Variants in SUFU observed in about 807,000 individuals in gnomAD.
The protein encoded by SUFU is SUFU negative regulator of hedgehog signaling, also known as suppressor of fused homolog.
SUFU carries 7 observed loss-of-function variants against 58.9 expected under a neutral mutation model. The ratio of observed to expected loss-of-function variants is 0.12; its 90% CI spans 0.07 to 0.22. The LOEUF is 0.22. Ranked by LOEUF, SUFU falls within the 10% of genes least tolerant of loss-of-function variation. The pLI is 1.00. For missense variants in SUFU, 451 were observed against 641.3 expected, an observed-to-expected ratio of 0.70 and a Z score of 3.20; for synonymous variants, 232 against 254.8, an observed-to-expected ratio of 0.91 and a Z score of 0.85.
At chr10:102,616,096 C>A (rs1014574076) in intron 9 of SUFU, among the ~76,000 whole-genome samples, 3 of 152,070 alleles carry the variant, frequency 2.0e-5, no homozygotes, top group Non-Finnish European at 4.4e-5. Context: ...TTTTCCCATG[C>A]AAAACACTCA....
chr10:102,522,749 C>T (rs1349240877), intron 2 of SUFU, among the ~76,000 whole-genome samples: 7 of 152,190 alleles, frequency 4.6e-5, no homozygotes, highest in Admixed American at 6.5e-5. Flanking sequence ...TCCCATCCAG[C>T]GTTGATCGCT....
intron 3 of SUFU, among the ~76,000 whole-genome samples, chr10:102,589,225 G>A (rs2063367782): frequency 1.3e-5 from 2 of 152,038 alleles, no homozygotes; most frequent in African/African-American, 4.8e-5. Flanking sequence ...ACCATGCATG[G>A]CCTTAGTTTT....
chr10:102,577,163 A>C (rs1471978626), intron 3 of SUFU, among the ~76,000 whole-genome samples: 3 of 142,804 alleles, frequency 2.1e-5, no homozygotes, highest in Non-Finnish European at 4.5e-5. Flanking sequence ...GGCTCACTGC[A>C]ACCTCCGCCT....
intron 3 of SUFU, among the ~76,000 whole-genome samples, chr10:102,592,204 G>A (rs2063409543): frequency 6.6e-6 from 1 of 152,170 alleles, no homozygotes; most frequent in Admixed American, 6.5e-5. Flanking sequence ...TGGACTTCTG[G>A]CCAGGTGGCC....
At chr10:102,514,829 G>T (rs1185014145) in intron 2 of SUFU, among the ~76,000 whole-genome samples, 1 of 152,242 alleles carries the variant, frequency 6.6e-6, no homozygotes, top group Non-Finnish European at 1.5e-5. Flanking sequence ...AGCCTATGGG[G>T]CCCTAACCGA....
intron 3 of SUFU, among the ~76,000 whole-genome samples, chr10:102,581,458 T>C (rs1359886527): frequency 6.6e-6 from 1 of 152,208 alleles, no homozygotes; most frequent in Non-Finnish European, 1.5e-5. Flanking sequence ...TGTGGACCTG[T>C]AGTTCTGCCC....
At chr10:102,614,570 CGAAACAAA>C (rs2063663287) in intron 8 of SUFU, among the ~76,000 whole-genome samples, 1 of 131,886 alleles carries the variant, frequency 7.6e-6, no homozygotes, top group Non-Finnish European at 1.6e-5. Flanking sequence ...AAAAAAAAAA[CGAAACAAA>C]AAAACAAAAA....
At chr10:102,598,115 A>G (rs2063482170) in intron 7 of SUFU, among the ~76,000 whole-genome samples, 1 of 152,184 alleles carries the variant, frequency 6.6e-6, no homozygotes, top group African/African-American at 2.4e-5. Context: ...TTCGTTCTGT[A>G]AAGGACAAAC....
Position 102,630,374 on chromosome 10 carries a change from G to A in SUFU, c.*219G>A. ...CGCACCCCGCCGCTGGCTAAGCCTT[G>A]TGACCCATCAGGCCAGTGAGTGGGC... On this transcript the variant is annotated 3_prime_UTR_variant, in exon 12 of 12. Transcript: ENST00000369902. 3.4e-6 allele frequency: 2 copies of A among 593,920 alleles called. No individual in the cohort carries two copies. Among genetic ancestry groups the A allele is most frequent in the South Asian group, 3.8e-5 (2 of 52,228 alleles). The allele number at this position is 593,920 out of a possible 1,614,324, so 36.8% of individuals were successfully genotyped here. A position where few individuals can be genotyped will look rare whatever the true frequency, so the allele number is the denominator to read the frequency against.
intron 3 of SUFU, among the ~76,000 whole-genome samples, chr10:102,582,113 G>A (rs1161596140): frequency 6.6e-6 from 1 of 152,186 alleles, no homozygotes; most frequent in Non-Finnish European, 1.5e-5. Flanking sequence ...GAGAAAAGGG[G>A]CATTTGGCTT....
At chr10:102,570,143 C>T (rs1246544337) in intron 3 of SUFU, among the ~76,000 whole-genome samples, 2 of 152,106 alleles carry the variant, frequency 1.3e-5, no homozygotes, top group Non-Finnish European at 2.9e-5. Flanking sequence ...GTCGTCTGGG[C>T]AGTTGCTGGC....
At chr10:102,553,257 A>T (rs183455414) in intron 3 of SUFU, among the ~76,000 whole-genome samples, 2 of 152,220 alleles carry the variant, frequency 1.3e-5, no homozygotes, top group Non-Finnish European at 2.9e-5. Context: ...GATAAAGAAA[A>T]GTAAATGGTA....
intron 1 of SUFU, 55 bp downstream of exon 1, chr10:102,504,389 G>A (rs1444919259): frequency 3.7e-6 from 6 of 1,603,048 alleles, no homozygotes; most frequent in Non-Finnish European, 4.3e-6. Flanking sequence ...GGGTTAAAGC[G>A]CCGAGGGCGA....
intron 3 of SUFU, among the ~76,000 whole-genome samples, chr10:102,571,240 A>G (rs2063157355): frequency 6.6e-6 from 1 of 152,228 alleles, no homozygotes. Context: ...GTCAGTACTA[A>G]TAAGTAACGG....
Position 102,619,129 on chromosome 10 carries a change from G to A in SUFU, c.1296+1701G>A. On this transcript the variant is annotated intron_variant, in intron 10 of 11. Transcript: ENST00000369902. This position sits in a 1 kb window ranked among gnomAD's most constrained non-coding sequence, Gnocchi z 4.2. ...GAACGTCTTTCTGCCCTGAGGAGAG[G>A]GTAGTCAGCATCTCCAATTTTCAGC... 1 of 1,612,500 alleles carries A rather than the reference G, an allele frequency of 6.2e-7. No homozygotes were observed. Among genetic ancestry groups the A allele is most frequent in the Non-Finnish European group, 8.5e-7 (1 of 1,179,810 alleles).
chr10:102,596,324 G>A (rs2063461211), intron 6 of SUFU, among the ~76,000 whole-genome samples: 1 of 152,198 alleles, frequency 6.6e-6, no homozygotes, highest in Non-Finnish European at 1.5e-5. Context: ...CCTTCCAGAT[G>A]ACTTTTAATT....
chr10:102,589,442 C>CTTTCTT (rs1554851911), intron 3 of SUFU, among the ~76,000 whole-genome samples: 1 of 65,358 alleles, frequency 1.5e-5, no homozygotes, highest in African/African-American at 6.3e-5. Flanking sequence ...TTCTTTCTTT[C>CTTTCTT]TTTTTTTTTT....
intron 2 of SUFU, among the ~76,000 whole-genome samples, chr10:102,542,139 GT>G (rs112625444): frequency 1.3e-4 from 18 of 137,778 alleles, no homozygotes; most frequent in East Asian, 2.2e-4. Flanking sequence ...CCACCTTGGC[GT>G]TTTTTTTTTT....
rs924415002 is a variant in SUFU at position 102,516,580 on chromosome 10, G to A, written c.317+7277G>A. 4.6e-5 allele frequency among the ~76,000 whole-genome samples: 7 copies of A among 151,316 alleles called. No individual in the cohort carries two copies. The East Asian group carries it at 6.0e-4, about 13-fold the overall frequency. On this transcript the variant is annotated intron_variant, in intron 2 of 11. Transcript: ENST00000369902. ...TTTCTTTTTTTTGAGACAGAGTCTC[G>A]CTCTGTTGCCAGGCTGGAGTGCAGT...
Sources: allele counts gnomAD v4.1 joint callset (sites outside exome capture counted in the v4.1 genomes callset), GRCh38; gene constraint gnomAD v4.1.1; non-coding constraint Gnocchi (gnomAD v3.1); transcripts MANE v1.5; gene names NCBI Gene and HGNC (gene_info 2026-07-23, HGNC 2026-07-21).